GIGYF2: variants seen among roughly 807,000 people sequenced by gnomAD.
GIGYF2 encodes GRB10-interacting GYF protein 2.
Under a neutral mutation model 208.1 loss-of-function variants are expected in GIGYF2, and 25 were observed. The ratio of observed to expected loss-of-function variants is 0.12; its 90% CI spans 0.09 to 0.17. The LOEUF is 0.17. Ranked by LOEUF, GIGYF2 falls within the 10% of genes least tolerant of loss-of-function variation. GIGYF2 has a pLI of 1.00. For synonymous variants in GIGYF2, 534 were observed against 543.8 expected (o/e 0.98, Z 0.25); for missense variants, 1,302 against 1,579.4 (o/e 0.82, Z 2.98).
At chr2:232,706,565 G>C (rs536906365) in intron 2 of GIGYF2, among the ~76,000 whole-genome samples, 1 of 152,176 alleles carries the variant, frequency 6.6e-6, no homozygotes, top group Non-Finnish European at 1.5e-5. Context: ...ATCACTTGAA[G>C]TCAGGAGTTT....
At chr2:232,844,785 A>G (rs1034803232) in intron 25 of GIGYF2, among the ~76,000 whole-genome samples, 1 of 152,192 alleles carries the variant, frequency 6.6e-6, no homozygotes, top group Non-Finnish European at 1.5e-5. Context: ...CCTGCTGAGC[A>G]CTTATTCTAT....
intron 6 of GIGYF2, among the ~76,000 whole-genome samples, chr2:232,758,125 T>C (rs542708794): frequency 1.1e-3 from 166 of 152,204 alleles, no homozygotes; most frequent in Non-Finnish European, 1.4e-3. Context: ...GTAATTATAA[T>C]CTGTGGTTTT....
chr2:232,845,696 C>T, intron 25 of GIGYF2, 36 bp from the exon 26 acceptor site: 16 of 1,534,530 alleles, frequency 1.0e-5, no homozygotes, highest in Non-Finnish European at 1.4e-5. Flanking sequence ...GTAACAGTTT[C>T]TGGGAATATA....
At chr2:232,804,381 G>GT (rs199519467) in intron 14 of GIGYF2, among the ~76,000 whole-genome samples, 21,154 of 121,706 alleles carry the variant, frequency 0.17, 1,876 homozygotes, top group South Asian at 0.34. Flanking sequence ...GAGCATCTCA[G>GT]TTTTTTTTTT....
At chr2:232,761,248 T>C (rs1346754984) in intron 7 of GIGYF2, 148 bp from the exon 8 acceptor site, 2 of 597,826 alleles carry the variant, frequency 3.3e-6, no homozygotes, top group Non-Finnish European at 6.1e-6. Context: ...CTTTTCTATA[T>C]TTTCGAAATA....
intron 6 of GIGYF2, among the ~76,000 whole-genome samples, chr2:232,757,555 G>A (rs1428755868): frequency 6.6e-6 from 1 of 152,112 alleles, no homozygotes; most frequent in African/African-American, 2.4e-5. Flanking sequence ...CATGGTGGTG[G>A]TTTCGAGTTG....
At chr2:232,751,355 C>T (rs1698332328) in intron 5 of GIGYF2, among the ~76,000 whole-genome samples, 1 of 152,064 alleles carries the variant, frequency 6.6e-6, no homozygotes, top group African/African-American at 2.4e-5. Flanking sequence ...GCTGGGATTA[C>T]AGGCGTATAC....
In GIGYF2 at chr2:232,818,836, A is replaced by G. The variant is rs551950752; in HGVS notation, c.2371-991A>G. ...TAAGTAAATTATAATAAGTTGACCA[A>G]TTCCCTATTGTTGGACATGAGGGTT... On this transcript the variant is annotated intron_variant, in intron 20 of 28. Transcript: ENST00000373563. Among the ~76,000 whole-genome samples the G allele has an allele frequency of 3.9e-5, 6 of 152,264 alleles. No homozygotes were observed. In the South Asian group the frequency reaches 6.2e-4, roughly 16 times the overall value.
At chr2:232,723,547 A>G (rs1480281592) in intron 2 of GIGYF2, among the ~76,000 whole-genome samples, 1 of 148,202 alleles carries the variant, frequency 6.7e-6, no homozygotes, top group Non-Finnish European at 1.5e-5. Context: ...CTTCTGCCTC[A>G]GCCTCCCGAG....
At chr2:232,771,070 A>G (rs1165371214) in intron 8 of GIGYF2, 1 of 1,614,000 alleles carries the variant, frequency 6.2e-7, no homozygotes, top group Non-Finnish European at 8.5e-7. Context: ...CTTGACACAG[A>G]TAGTGTGGTT....
chr2:232,763,021 CAAAA>C (rs560897580), intron 8 of GIGYF2, among the ~76,000 whole-genome samples: 16 of 146,808 alleles, frequency 1.1e-4, no homozygotes, highest in Non-Finnish European at 2.4e-4. Flanking sequence ...GAGACCCTGT[CAAAA>C]AAAAAATTAA....
intron 8 of GIGYF2, chr2:232,765,800 A>T (rs1056657698): frequency 2.4e-5 from 9 of 372,628 alleles, no homozygotes; most frequent in Non-Finnish European, 4.4e-5. Context: ...ACTTGGTAGT[A>T]TGGGCTTGTA....
rs147437312 is a variant in GIGYF2, at chr2:232,758,491, T to C, written c.380-1989T>C. On this transcript the variant is annotated intron_variant, in intron 6 of 28. Coordinates refer to ENST00000373563, the MANE Select transcript of GIGYF2 (RefSeq NM_001103146.3). ...AATTCTTAGTAGAACAGTTCTTTAA[T>C]TGAGCCTTACGATAGGTTCATCATG... is the stretch of plus-strand genomic sequence containing the variant. Among the ~76,000 whole-genome samples the C allele has an allele frequency of 6.6e-3, 1,001 of 152,304 alleles. 23 individuals carry two copies. The highest frequency in any genetic ancestry group is 0.044 in the Admixed American group (676 of 15,280).
intron 18 of GIGYF2, among the ~76,000 whole-genome samples, chr2:232,814,976 A>G (rs1206701670): frequency 3.3e-5 from 5 of 152,196 alleles, no homozygotes; most frequent in Non-Finnish European, 5.9e-5. Context: ...CTCAGAAACC[A>G]TTATCTGTTT....
chr2:232,714,911 C>T (rs997733424), intron 2 of GIGYF2, among the ~76,000 whole-genome samples: 1 of 151,968 alleles, frequency 6.6e-6, no homozygotes, highest in Non-Finnish European at 1.5e-5. Context: ...TTATTTTTCC[C>T]GATCCTCTCC....
At chr2:232,808,105 A>G (rs932908743) in intron 15 of GIGYF2, among the ~76,000 whole-genome samples, 2 of 152,160 alleles carry the variant, frequency 1.3e-5, no homozygotes, top group African/African-American at 4.8e-5. Flanking sequence ...CAATCCACTA[A>G]TGTGTTGAGA....
chr2:232,822,036 C>T (rs1236081532), intron 21 of GIGYF2, among the ~76,000 whole-genome samples: 2 of 150,928 alleles, frequency 1.3e-5, no homozygotes, highest in Admixed American at 1.3e-4. Flanking sequence ...ACTACTGTAC[C>T]TTTATAGTAA....
intron 22 of GIGYF2, among the ~76,000 whole-genome samples, chr2:232,838,284 G>GTATA (rs199843320): frequency 3.1e-4 from 47 of 150,688 alleles, no homozygotes; most frequent in African/African-American, 7.6e-4. Context: ...GTGTGTGCAT[G>GTATA]TGTATATATA....
At chr2:232,725,442 G>A (rs1405404691) in intron 2 of GIGYF2, among the ~76,000 whole-genome samples, 1 of 152,072 alleles carries the variant, frequency 6.6e-6, no homozygotes, top group Non-Finnish European at 1.5e-5. Context: ...GGTTTTTGGA[G>A]TCCTTATAAT....
Sources: gnomAD v4.1 joint callset for allele counts (sites outside exome capture counted in the v4.1 genomes callset) on GRCh38, gnomAD v4.1.1 for gene constraint, MANE v1.5 for transcripts, NCBI Gene and HGNC (gene_info 2026-07-23, HGNC 2026-07-21) for gene names.